BRWD1: variants seen among roughly 807,000 people sequenced by gnomAD.
BRWD1 encodes bromodomain and WD repeat-containing protein 1.
A neutral mutation model predicts 251.2 loss-of-function variants in BRWD1; 82 were observed. The ratio of observed to expected loss-of-function variants is 0.33; its 90% CI spans 0.27 to 0.39. BRWD1 has a LOEUF of 0.39. BRWD1 is among the 10% of genes least tolerant of loss of function. The pLI is 1.00. For missense variants in BRWD1, 2,233 were observed against 2,711.6 expected (o/e 0.82, Z 3.92); for synonymous variants, 918 against 902.8 (o/e 1.02, Z -0.30).
rs768563077 is a variant in BRWD1 at position 39,196,477 on chromosome 21, T to C, written c.6592A>G (p.Ile2198Val). Residue 2198 changes from isoleucine (I) to valine (V), a missense_variant, in exon 41 of 41, where the codon ATA becomes GTA. By Grantham distance (29) the Ile-to-Val change is conservative (BLOSUM62 3). Around this residue, in one of 12 missense-constraint regions of BRWD1, gnomAD observed 928 missense variants for 970.0 expected, o/e 0.96. Transcript: ENST00000342449. ...CTTTGACGTCTCACAGTTTTAGATA[T>C]GTTAGCTGTAAAAGTTTTACCTTTT... ...VRKGKTFTAN[I>V]SKTVRRQRQS... is the part of the protein sequence containing the mutation. 8.1e-6 allele frequency: 13 copies of C among 1,613,114 alleles called. No homozygotes were observed. Among genetic ancestry groups the C allele is most frequent in the Middle Eastern group, 3.3e-4 (2 of 6,082 alleles).
In BRWD1 at chr21:39,310,239, G is replaced by C. The variant is rs569225173; in HGVS notation, c.198+2602C>G. On this transcript the variant is annotated intron_variant, in intron 4 of 40. Coordinates refer to ENST00000342449, the MANE Select transcript of BRWD1 (RefSeq NM_033656.4). ...TTTCAAAATTCAAATTTGTTGGCCA[G>C]GCGCAGTGGCTCACGCCTGTAATCC... Among the ~76,000 whole-genome samples the C allele has an allele frequency of 9.8e-5, 15 of 152,340 alleles. 1 individual carries two copies. In the South Asian group the frequency reaches 2.9e-3, roughly 29 times the overall value.
Position 39,200,391 on chromosome 21 carries a change from G to A in BRWD1, c.4586-5C>T, listed in dbSNP as rs1420824716. ...AAGAATCTTCCACTTCACTTTCTAG[G>A]AAAAATAAAGTGTAAATAGTTACAT... On this transcript the variant is annotated splice_region_variant and splice_polypyrimidine_tract_variant and intron_variant, in intron 38 of 40. Coordinates refer to ENST00000342449, the MANE Select transcript of BRWD1 (RefSeq NM_033656.4). The A allele has an allele frequency of 1.9e-6, 3 of 1,608,850 alleles. No homozygotes were observed. In the African/African-American group the frequency reaches 4.0e-5, roughly 22 times the overall value.
Position 39,200,398 on chromosome 21 carries a change from A to G in BRWD1, c.4586-12T>C, listed in dbSNP as rs1486748041. 6 of 1,609,338 alleles carry G rather than the reference A, an allele frequency of 3.7e-6. No individual in the cohort carries two copies. Among genetic ancestry groups the G allele is most frequent in the Non-Finnish European group, 4.2e-6 (5 of 1,177,598 alleles). ...TTCCACTTCACTTTCTAGGAAAAAT[A>G]AAGTGTAAATAGTTACATATATTCT... On this transcript the variant is annotated splice_polypyrimidine_tract_variant and intron_variant, in intron 38 of 40. Coordinates refer to ENST00000342449, the MANE Select transcript of BRWD1 (RefSeq NM_033656.4).
At chr21:39,299,911 G>A (rs778891672) in intron 4 of BRWD1, among the ~76,000 whole-genome samples, 1 of 152,004 alleles carries the variant, frequency 6.6e-6, no homozygotes. Context: ...GAACCTGGGA[G>A]GCGGAGGTTG....
At chr21:39,230,128 T>C (rs1322502563) in intron 25 of BRWD1, among the ~76,000 whole-genome samples, 1 of 152,240 alleles carries the variant, frequency 6.6e-6, no homozygotes, top group Non-Finnish European at 1.5e-5. Flanking sequence ...AAAATCTTGA[T>C]ATTAAGTTTC....
At position 39,287,652 on chromosome 21, in the gene BRWD1, A is replaced by C. The variant is rs565254264; in HGVS notation, c.831+6159T>G. Among the ~76,000 whole-genome samples, 5 of 152,258 alleles carry C rather than the reference A, an allele frequency of 3.3e-5. No individual in the cohort carries two copies. In the East Asian group the frequency reaches 7.7e-4, roughly 24 times the overall value. The stretch of plus-strand genomic sequence containing the variant: ...GTCACGTTTCTTTTTTGTTCCCTGA[A>C]CAATGTGTTTTTTACCAGTATTTTT... On this transcript the variant is annotated intron_variant, in intron 8 of 40. Transcript: ENST00000342449.
intron 9 of BRWD1, 45 bp downstream of exon 9, chr21:39,280,103 A>G (rs2035410429): frequency 6.7e-6 from 9 of 1,347,224 alleles, no homozygotes; most frequent in Non-Finnish European, 9.3e-6. Context: ...TTAAACTGTA[A>G]CTACATTAAA....
chr21:39,294,871 G>A (rs1193951370), intron 7 of BRWD1, among the ~76,000 whole-genome samples: 2 of 152,028 alleles, frequency 1.3e-5, no homozygotes, highest in African/African-American at 4.8e-5. Flanking sequence ...ATCTACTCTT[G>A]AATTTTACAC....
intron 29 of BRWD1, 140 bp from the exon 30 acceptor site, chr21:39,218,800 T>C: frequency 3.3e-6 from 2 of 609,546 alleles, no homozygotes; most frequent in Non-Finnish European, 5.0e-6. Flanking sequence ...TGCAACTCTT[T>C]TAAAATTACT....
intron 8 of BRWD1, among the ~76,000 whole-genome samples, chr21:39,287,791 C>T (rs893733462): frequency 6.6e-6 from 1 of 151,988 alleles, no homozygotes; most frequent in African/African-American, 2.4e-5. Context: ...TTGTTCTTCT[C>T]CTAACTTCTT....
intron 20 of BRWD1, among the ~76,000 whole-genome samples, chr21:39,250,505 T>TAA (rs558000169): frequency 2.1e-4 from 30 of 142,766 alleles, no homozygotes; most frequent in Admixed American, 6.2e-4. Context: ...TGAGAGCCCT[T>TAA]AAAAAAAAAA....
At chr21:39,312,789 G>A (rs530923747) in intron 4 of BRWD1, 52 bp downstream of exon 4, 316 of 1,474,224 alleles carry the variant, frequency 2.1e-4, no homozygotes, top group Admixed American at 9.5e-4. Flanking sequence ...AAGGGGCGGG[G>A]GCGGGGGGCG....
intron 8 of BRWD1, among the ~76,000 whole-genome samples, chr21:39,283,756 A>T (rs547050589): frequency 6.6e-6 from 1 of 152,298 alleles, no homozygotes; most frequent in Non-Finnish European, 1.5e-5. Flanking sequence ...GCAACATTTC[A>T]TCAATTGCAG....
Position 39,187,051 on chromosome 21 carries a change from C to G in BRWD1, c.*9208G>C. The stretch of plus-strand genomic sequence containing the variant: ...CTATTGTGCATTTTCTTTCCAGGAT[C>G]TGAACCCCCTTAAAAAAAGCATTTT... On this transcript the variant is annotated 3_prime_UTR_variant, in exon 41 of 41. Coordinates refer to ENST00000342449, the MANE Select transcript of BRWD1 (RefSeq NM_033656.4). 6.3e-7 allele frequency: 1 copy of G among 1,578,346 alleles called. No individual in the cohort carries two copies. Among genetic ancestry groups the G allele is most frequent in the Non-Finnish European group, 8.6e-7 (1 of 1,167,920 alleles).
rs370899631 is a variant in BRWD1, at chr21:39,234,167, TTA to T, written c.2767-1671_2767-1670del. 4.5e-4 allele frequency among the ~76,000 whole-genome samples: 68 copies of T among 152,312 alleles called. 1 individual carries two copies. The South Asian group carries it at 0.013, about 29-fold the overall frequency. ...GGAATGTATCTTTTTCATTATTTGGTTATGATATATTAATACCAGATCCTGGG... is the reference window on the plus strand; with the variant it reads ...GGAATGTATCTTTTTCATTATTTGGTTGATATATTAATACCAGATCCTGGG... On this transcript the variant is annotated intron_variant, in intron 23 of 40. Transcript: ENST00000342449.
Position 39,190,201 on chromosome 21 carries a change from T to A in BRWD1, c.*6058A>T, listed in dbSNP as rs1344225197. On this transcript the variant is annotated 3_prime_UTR_variant, in exon 41 of 41. Coordinates refer to ENST00000342449, the MANE Select transcript of BRWD1 (RefSeq NM_033656.4). ...CTCAACACAATCTCTAGTTTCTACA[T>A]TTCAAGGATTAATCATATTCTAATT... is the stretch of plus-strand genomic sequence containing the variant. 3.1e-6 allele frequency: 3 copies of A among 982,460 alleles called. No individual in the cohort carries two copies. Among genetic ancestry groups the A allele is most frequent in the Non-Finnish European group, 2.4e-6 (2 of 828,218 alleles). The allele number at this position is 982,460 out of a possible 1,614,324, so 60.9% of individuals were successfully genotyped here. A position where few individuals can be genotyped will look rare whatever the true frequency, so the allele number is the denominator to read the frequency against.
chr21:39,249,440 C>T (rs535143631), intron 20 of BRWD1, among the ~76,000 whole-genome samples: 1 of 151,788 alleles, frequency 6.6e-6, no homozygotes, highest in East Asian at 1.9e-4. Flanking sequence ...CTGTGCTTTT[C>T]AGTTCTGAAT....
chr21:39,249,769 T>A (rs192505004), intron 20 of BRWD1, among the ~76,000 whole-genome samples: 1 of 152,150 alleles, frequency 6.6e-6, no homozygotes, highest in Non-Finnish European at 1.5e-5. Context: ...CGAGTGATAA[T>A]AGGTTAACAT....
chr21:39,218,269 A>C lies in BRWD1; in HGVS notation c.3542T>G (p.Ile1181Arg). The C allele has an allele frequency of 6.2e-7, 1 of 1,605,944 alleles. No homozygotes were observed. ...SGIDQLLNLD[I>R]AAAFAGPVDL... is the part of the protein sequence containing the mutation. The stretch of plus-strand genomic sequence containing the variant: ...AACAGGGCCTGCAAAAGCTGCTGCT[A>C]TATCTGTTAGGGAAGACAGGAGAGT... Residue 1181 changes from isoleucine (I) to arginine (R), a missense_variant, in exon 31 of 41, where the codon ATA becomes AGA. Coordinates refer to ENST00000342449, the MANE Select transcript of BRWD1 (RefSeq NM_033656.4).
Sources: gnomAD v4.1 joint callset for allele counts (sites outside exome capture counted in the v4.1 genomes callset) on GRCh38, gnomAD v4.1.1 for gene constraint, gnomAD v4.1.1 regional missense constraint, MANE v1.5 for transcripts, NCBI Gene and HGNC (gene_info 2026-07-23, HGNC 2026-07-21) for gene names.